Variants in SEC24D observed in about 807,000 individuals in gnomAD.
The protein encoded by SEC24D is protein transport protein Sec24D.
SEC24D carries 69 observed loss-of-function variants against 116.9 expected under a neutral mutation model. The observed-to-expected ratio is 0.59, with a 90% confidence interval of 0.49 to 0.72. SEC24D has a LOEUF of 0.72. Ranked by LOEUF, SEC24D falls within the 30% of genes least tolerant of loss-of-function variation. The pLI, the probability that SEC24D is intolerant of heterozygous loss-of-function variation, is 0.00. For synonymous variants in SEC24D, 405 were observed against 442.8 expected (o/e 0.91, Z 1.07); for missense variants, 1,131 against 1,264.1 (o/e 0.89, Z 1.60).
chr4:118,829,800 G>A (rs1489813030), intron 2 of SEC24D, among the ~76,000 whole-genome samples: 1 of 150,938 alleles, frequency 6.6e-6, no homozygotes, highest in African/African-American at 2.4e-5. Flanking sequence ...TAATAAGAGC[G>A]AAACTCCGTC....
rs150416886 is a variant in SEC24D, at chr4:118,750,907, T to A, written c.1707+1089A>T. On this transcript the variant is annotated intron_variant, in intron 13 of 22. Coordinates refer to ENST00000280551, the MANE Select transcript of SEC24D (RefSeq NM_014822.4). ...TCTTTGATCCCATAAATGAATACTC[T>A]TGCAGATTAAAAAAACCCAAGCAAG... Among the ~76,000 whole-genome samples, 272 of 152,152 alleles carry A rather than the reference T, an allele frequency of 1.8e-3. 1 individual carries two copies. Among genetic ancestry groups the A allele is most frequent in the African/African-American group, 6.3e-3 (261 of 41,538 alleles).
intron 11 of SEC24D, among the ~76,000 whole-genome samples, chr4:118,756,677 G>A (rs563573202): frequency 2.0e-5 from 3 of 152,222 alleles, no homozygotes; most frequent in South Asian, 2.1e-4. Context: ...GGTGGGACAC[G>A]TAGGGACTAG....
At chr4:118,747,639 A>T (rs1183835141) in intron 13 of SEC24D, among the ~76,000 whole-genome samples, 1 of 152,176 alleles carries the variant, frequency 6.6e-6, no homozygotes. Flanking sequence ...CTTTAAAAAA[A>T]AGTCTACCTT....
intron 7 of SEC24D, among the ~76,000 whole-genome samples, chr4:118,805,451 A>G (rs1939249419): frequency 6.6e-6 from 1 of 152,234 alleles, no homozygotes; most frequent in African/African-American, 2.4e-5. Flanking sequence ...ATATCTGCTT[A>G]GAAAATATTG....
chr4:118,731,155 C>T, intron 21 of SEC24D, 161 bp downstream of exon 21: 4 of 637,612 alleles, frequency 6.3e-6, no homozygotes, highest in South Asian at 4.0e-5. Context: ...AACTTTATAC[C>T]AGCTAATTGA....
chr4:118,803,430 T>C (rs1729538264), intron 7 of SEC24D, among the ~76,000 whole-genome samples: 1 of 152,086 alleles, frequency 6.6e-6, no homozygotes, highest in Non-Finnish European at 1.5e-5. Flanking sequence ...ATCTCCCTAG[T>C]CTTGTGGGTT....
At chr4:118,732,534 T>C (rs542177474) in intron 20 of SEC24D, among the ~76,000 whole-genome samples, 199 bp downstream of exon 20, 2 of 152,272 alleles carry the variant, frequency 1.3e-5, no homozygotes, top group African/African-American at 4.8e-5. Context: ...CCCCTCACCA[T>C]AGTGAACACA....
chr4:118,809,001 T>A (rs1486224839), intron 6 of SEC24D, among the ~76,000 whole-genome samples: 1 of 147,096 alleles, frequency 6.8e-6, no homozygotes, highest in East Asian at 2.0e-4. Context: ...TGAGACAGAG[T>A]CTTGCTCTGT....
chr4:118,802,936 C>T (rs547629500), intron 7 of SEC24D, among the ~76,000 whole-genome samples: 13 of 152,242 alleles, frequency 8.5e-5, no homozygotes, highest in Admixed American at 1.3e-4. Context: ...TTCTGATATA[C>T]GCTACAAGGT....
intron 12 of SEC24D, among the ~76,000 whole-genome samples, chr4:118,752,317 T>C (rs1560638036): frequency 6.6e-6 from 1 of 152,242 alleles, no homozygotes; most frequent in Non-Finnish European, 1.5e-5. Context: ...TTTTTTCTAT[T>C]CACTGCAATA....
At chr4:118,784,793 C>A (rs1192634606) in intron 8 of SEC24D, among the ~76,000 whole-genome samples, 2 of 141,340 alleles carry the variant, frequency 1.4e-5, no homozygotes, top group Non-Finnish European at 3.1e-5. Flanking sequence ...ATACTACATA[C>A]CTTCCTCTGT....
At chr4:118,797,940 A>G in intron 7 of SEC24D, 130 bp from the exon 8 acceptor site, 1 of 697,556 alleles carries the variant, frequency 1.4e-6, no homozygotes, top group Non-Finnish European at 2.1e-6. Flanking sequence ...TCTCTTCATG[A>G]TTTGTTTTTT....
At chr4:118,804,149 A>C (rs1014163056) in intron 7 of SEC24D, among the ~76,000 whole-genome samples, 4 of 152,214 alleles carry the variant, frequency 2.6e-5, no homozygotes, top group African/African-American at 7.2e-5. Context: ...GGGAAAAGAC[A>C]CTGGAGAAGA....
chr4:118,795,545 G>A (rs973317592), intron 8 of SEC24D, among the ~76,000 whole-genome samples: 11 of 152,034 alleles, frequency 7.2e-5, no homozygotes, highest in African/African-American at 2.7e-4. Flanking sequence ...GTGGCGGTAT[G>A]CTCATACAAT....
intron 13 of SEC24D, among the ~76,000 whole-genome samples, chr4:118,750,833 T>C (rs1330697016): frequency 6.6e-6 from 1 of 152,072 alleles, no homozygotes; most frequent in Admixed American, 6.6e-5. Context: ...ATTAATTTTA[T>C]GTTAAATTGA....
intron 2 of SEC24D, chr4:118,825,515 G>A (rs1382641991): frequency 2.2e-6 from 1 of 451,698 alleles, no homozygotes; most frequent in East Asian, 7.0e-5. Context: ...GTAAAGGAGA[G>A]AAATCACTGG....
intron 1 of SEC24D, among the ~76,000 whole-genome samples, chr4:118,833,979 GAAT>G (rs1475644946): frequency 6.6e-6 from 1 of 152,154 alleles, no homozygotes; most frequent in Admixed American, 6.5e-5. Context: ...CATGAGACCT[GAAT>G]AATAACTCGC....
At chr4:118,732,020 T>G (rs573627903) in intron 20 of SEC24D, among the ~76,000 whole-genome samples, 5 of 96,210 alleles carry the variant, frequency 5.2e-5, no homozygotes, top group African/African-American at 2.0e-4. Context: ...AAAGGGAGAG[T>G]AACAGAAGAT....
At chr4:118,765,863 C>T (rs1245017063) in intron 9 of SEC24D, among the ~76,000 whole-genome samples, 5 of 151,194 alleles carry the variant, frequency 3.3e-5, no homozygotes, top group African/African-American at 9.7e-5. Flanking sequence ...GATTGTTCTA[C>T]GTTGTTACTG....
Sources: gnomAD v4.1 joint callset for allele counts (sites outside exome capture counted in the v4.1 genomes callset) on GRCh38, gnomAD v4.1.1 for gene constraint, MANE v1.5 for transcripts, NCBI Gene and HGNC (gene_info 2026-07-23, HGNC 2026-07-21) for gene names.